The following TSC22D1 variants were observed in gnomAD, a reference collection of about 807,000 sequenced individuals.
The protein encoded by TSC22D1 is TSC22 domain family protein 1.
TSC22D1 carries 9 observed loss-of-function variants against 74.2 expected under a neutral mutation model. That is an observed-to-expected ratio of 0.12 (90% CI 0.07 to 0.21). The LOEUF is 0.21. Among genes scored for constraint, TSC22D1 ranks in the 10% least tolerant of loss-of-function variants. The pLI is 1.00. For missense variants in TSC22D1, 1,427 were observed against 1,304.7 expected, an observed-to-expected ratio of 1.09 and a Z score of -1.44; for synonymous variants, 586 against 492.5, an observed-to-expected ratio of 1.19 and a Z score of -2.51.
At chr13:44,445,049 C>A (rs1566114868) in intron 1 of TSC22D1, among the ~76,000 whole-genome samples, 1 of 152,016 alleles carries the variant, frequency 6.6e-6, no homozygotes, top group East Asian at 1.9e-4. Context: ...TTTTAAAAAA[C>A]TACTTTACAA....
Position 44,434,858 on chromosome 13 carries a change from T to C in TSC22D1, c.2990A>G (p.Tyr997Cys). ...AMDLVKSHLM[Y>C]AVREEVEVLK... ...GACCTCCACTTCTTCTCTGACCGCA[T>C]ACATCAAATGGCTTTTCACTAGATC... Residue 997 changes from tyrosine to cysteine, a missense_variant, in exon 3 of 3, where the codon TAT (tyrosine) becomes TGT (cysteine). Physicochemically the swap from Tyr to Cys is radical, Grantham distance 194 (BLOSUM62 -2). This residue lies in a region of TSC22D1 where 21 missense variants were observed against 62.7 expected (regional missense o/e 0.34). Transcript: ENST00000458659. 6.2e-7 allele frequency: 1 copy of C among 1,613,794 alleles called. No individual in the cohort carries two copies. The highest frequency in any genetic ancestry group is 8.5e-7 in the Non-Finnish European group (1 of 1,179,910).
intron 1 of TSC22D1, among the ~76,000 whole-genome samples, chr13:44,512,368 A>C (rs1005524851): frequency 1.3e-5 from 2 of 151,664 alleles, no homozygotes; most frequent in Non-Finnish European, 2.9e-5. Context: ...ACGGGGTTTC[A>C]CCGTGTTAGC....
chr13:44,444,768 A>G (rs1875502832), intron 1 of TSC22D1, among the ~76,000 whole-genome samples: 1 of 152,170 alleles, frequency 6.6e-6, no homozygotes. Context: ...ATGAAAATAA[A>G]AACAAGGCAT....
chr13:44,446,801 A>AGGAGGAGGAGG (rs1555263840), intron 1 of TSC22D1, among the ~76,000 whole-genome samples: 8 of 118,624 alleles, frequency 6.7e-5, no homozygotes, highest in East Asian at 6.1e-4. Flanking sequence ...GAGGAGGAGG[A>AGGAGGAGGAGG]AAAGGAGGAG....
intron 1 of TSC22D1, among the ~76,000 whole-genome samples, chr13:44,502,499 A>G (rs1242786774): frequency 6.6e-6 from 1 of 152,204 alleles, no homozygotes; most frequent in Non-Finnish European, 1.5e-5. Flanking sequence ...CAAATATCCC[A>G]AGGATGGTTG....
rs143295235 is a variant in TSC22D1 at position 44,507,088 on chromosome 13, G to A, written c.2912+66075C>T. Among the ~76,000 whole-genome samples, 7 of 152,316 alleles carry A rather than the reference G, an allele frequency of 4.6e-5. No homozygotes were observed. In the East Asian group the frequency reaches 1.3e-3, roughly 29 times the overall value. The stretch of plus-strand genomic sequence containing the variant: ...AATATAAGGCAGCTATCTCAGCACA[G>A]GGCAATGGGAAAGAGGCCCAGGTTG... On this transcript the variant is annotated intron_variant, in intron 1 of 2. Coordinates refer to ENST00000458659, the MANE Select transcript of TSC22D1 (RefSeq NM_183422.4).
At chr13:44,437,735 ACTCAATCC>A (rs747300902) in intron 1 of TSC22D1, among the ~76,000 whole-genome samples, 9 of 152,160 alleles carry the variant, frequency 5.9e-5, no homozygotes, top group Non-Finnish European at 1.3e-4. Flanking sequence ...TTCCTCTAAG[ACTCAATCC>A]CTCAATCCTA....
intron 1 of TSC22D1, among the ~76,000 whole-genome samples, chr13:44,551,300 A>T: frequency 7.4e-6 from 1 of 134,562 alleles, no homozygotes; most frequent in African/African-American, 2.8e-5. Context: ...CAAAACCCCA[A>T]TCAGCTGGGG....
At chr13:44,480,996 G>A (rs944738641) in intron 1 of TSC22D1, among the ~76,000 whole-genome samples, 3 of 152,156 alleles carry the variant, frequency 2.0e-5, no homozygotes, top group Non-Finnish European at 4.4e-5. Flanking sequence ...TAAAAAGAAG[G>A]GAGGCCAAGC....
At position 44,482,487 on chromosome 13, in the gene TSC22D1, C is replaced by T. The variant is rs547551849; in HGVS notation, c.2913-46392G>A. ...CTGGGAGGCAGGGGCTGCAGTGAGC[C>T]GAGATCACGCCACTGCACTCCAGCC... On this transcript the variant is annotated intron_variant, in intron 1 of 2. Coordinates refer to ENST00000458659, the MANE Select transcript of TSC22D1 (RefSeq NM_183422.4). Among the ~76,000 whole-genome samples, 6 of 152,182 alleles carry T rather than the reference C, an allele frequency of 3.9e-5. No homozygotes were observed. In the East Asian group the frequency reaches 1.2e-3, roughly 29 times the overall value.
At chr13:44,506,226 C>T (rs1335558076) in intron 1 of TSC22D1, among the ~76,000 whole-genome samples, 1 of 152,078 alleles carries the variant, frequency 6.6e-6, no homozygotes, top group Non-Finnish European at 1.5e-5. Context: ...TAAATATGGT[C>T]CCAGAAGGGC....
chr13:44,459,784 T>G (rs1876895806), intron 1 of TSC22D1, among the ~76,000 whole-genome samples: 1 of 152,150 alleles, frequency 6.6e-6, no homozygotes, highest in Non-Finnish European at 1.5e-5. Context: ...GCCGCAGCCT[T>G]GCACAGAGCC....
At chr13:44,521,543 C>T (rs1389210772) in intron 1 of TSC22D1, among the ~76,000 whole-genome samples, 1 of 151,918 alleles carries the variant, frequency 6.6e-6, no homozygotes, top group Non-Finnish European at 1.5e-5. Flanking sequence ...TAAAATGAGT[C>T]AGTTTGGGGT....
In TSC22D1 at chr13:44,574,383, T is replaced by A. The variant is rs931454592; in HGVS notation, c.1692A>T (p.Pro564=). 6.2e-7 allele frequency: 1 copy of A among 1,614,144 alleles called. No individual in the cohort carries two copies. The highest frequency in any genetic ancestry group is 8.5e-7 in the Non-Finnish European group (1 of 1,180,052). The change falls in exon 1 of 3, where the codon CCA becomes CCT. Residue 564 remains proline, a synonymous_variant. Transcript: ENST00000458659. ...CACTCATAGTGGCTTGCAGAGGTAC[T>A]GGCTGAAGACCTTGCTTTTGCTGAT... ...LSYQQKQGLQ[P]VPLQATMSAA... is the part of the protein sequence containing the mutation.
intron 1 of TSC22D1, chr13:44,437,061 G>A: frequency 1.2e-5 from 12 of 972,848 alleles, no homozygotes; most frequent in Non-Finnish European, 1.5e-5. Flanking sequence ...CTCAGAGGGA[G>A]TGGGGTGCTG....
intron 1 of TSC22D1, among the ~76,000 whole-genome samples, chr13:44,545,306 G>T (rs1291013391): frequency 6.6e-6 from 1 of 152,070 alleles, no homozygotes; most frequent in Non-Finnish European, 1.5e-5. Flanking sequence ...CTGCACTCTA[G>T]CCTGGGCAAC....
At chr13:44,457,162 G>A (rs1170880362) in intron 1 of TSC22D1, among the ~76,000 whole-genome samples, 1 of 152,212 alleles carries the variant, frequency 6.6e-6, no homozygotes, top group Non-Finnish European at 1.5e-5. Flanking sequence ...TCAGGTGAAC[G>A]CAGGAAACTG....
chr13:44,484,423 AC>A (rs1207099688), intron 1 of TSC22D1, among the ~76,000 whole-genome samples: 1 of 152,192 alleles, frequency 6.6e-6, no homozygotes, highest in East Asian at 1.9e-4. Flanking sequence ...CATCCTATAT[AC>A]TTTATAAATA....
chr13:44,463,033 A>C (rs367746102), intron 1 of TSC22D1, among the ~76,000 whole-genome samples: 12 of 152,294 alleles, frequency 7.9e-5, no homozygotes, highest in African/African-American at 2.6e-4. Context: ...TCATCAATGA[A>C]AGAGATCACT....
Sources: gnomAD v4.1 joint callset for allele counts (sites outside exome capture counted in the v4.1 genomes callset) on GRCh38, gnomAD v4.1.1 for gene constraint, gnomAD v4.1.1 regional missense constraint, MANE v1.5 for transcripts, NCBI Gene and HGNC (gene_info 2026-07-23, HGNC 2026-07-21) for gene names.